CUBN: variants seen among roughly 807,000 people sequenced by gnomAD.
The protein encoded by CUBN is 460 kDa receptor.
CUBN carries 282 observed loss-of-function variants against 405.3 expected under a neutral mutation model. That is an observed-to-expected ratio of 0.70 (90% CI 0.63 to 0.77). The LOEUF (loss-of-function observed/expected upper bound fraction) is 0.77. Ranked by LOEUF, CUBN falls within the 30% of genes least tolerant of loss-of-function variation. The pLI, the probability that CUBN is intolerant of heterozygous loss-of-function variation, is 0.00. For synonymous variants in CUBN, 1,684 were observed against 1,617.0 expected, an observed-to-expected ratio of 1.04 and a Z score of -0.99; for missense variants, 4,514 against 4,475.2, an observed-to-expected ratio of 1.01 and a Z score of -0.25.
At chr10:16,972,443 A>T (rs1588536432) in intron 31 of CUBN, among the ~76,000 whole-genome samples, 2 of 146,310 alleles carry the variant, frequency 1.4e-5, no homozygotes, top group South Asian at 2.2e-4. Flanking sequence ...ATCATTCACA[A>T]TTTTTTTTTT....
At position 16,982,497 on chromosome 10, in the gene CUBN, T is replaced by C; in HGVS notation, c.4682A>G (p.Asp1561Gly). 6.2e-7 allele frequency: 1 copy of C among 1,613,404 alleles called. No individual in the cohort carries two copies. Among genetic ancestry groups the C allele is most frequent in the Non-Finnish European group, 8.5e-7 (1 of 1,179,542 alleles). ...NFTDFDLEPQ[D>G]SCIMAYDGLS... ...TATGTCACTTACCATAATACAAGAGTCTTGTGGTTCAAGATCAAAGTCAGT... is the reference window on the plus strand; with the variant it reads ...TATGTCACTTACCATAATACAAGAGCCTTGTGGTTCAAGATCAAAGTCAGT... Residue 1561 changes from aspartate to glycine, a missense_variant, in exon 31 of 67, where the codon GAC becomes GGC. This residue lies in a region of CUBN where 1,613 missense variants were observed against 1,542.8 expected (regional missense o/e 1.05). Coordinates refer to ENST00000377833, the MANE Select transcript of CUBN (RefSeq NM_001081.4).
At chr10:17,128,019 AC>A (rs1311831486) in intron 2 of CUBN, 95 bp from the exon 3 acceptor site, 5 of 821,598 alleles carry the variant, frequency 6.1e-6, no homozygotes, top group Non-Finnish European at 7.9e-6. Context: ...GTAGTATTCT[AC>A]TTTAAGCACT....
intron 29 of CUBN, among the ~76,000 whole-genome samples, chr10:16,989,631 T>C (rs1392212690): frequency 6.6e-6 from 1 of 151,446 alleles, no homozygotes; most frequent in African/African-American, 2.4e-5. Flanking sequence ...ATTCCTGCAA[T>C]TAAACATTGA....
At chr10:17,125,894 T>A (rs902197877) in intron 4 of CUBN, among the ~76,000 whole-genome samples, 1 of 152,166 alleles carries the variant, frequency 6.6e-6, no homozygotes, top group African/African-American at 2.4e-5. Flanking sequence ...GGGGTCAATG[T>A]ATTATCTAAG....
chr10:17,052,347 A>G (rs1461901435), intron 22 of CUBN, among the ~76,000 whole-genome samples: 1 of 152,206 alleles, frequency 6.6e-6, no homozygotes, highest in Non-Finnish European at 1.5e-5. Flanking sequence ...GGAATGAAGA[A>G]CACTGGAAAT....
intron 10 of CUBN, 123 bp downstream of exon 10, chr10:17,109,517 A>T: frequency 1.3e-6 from 1 of 771,886 alleles, no homozygotes; most frequent in Non-Finnish European, 2.3e-6. Flanking sequence ...GGCATGGATT[A>T]ATTTTAGGTT....
In CUBN at chr10:16,940,159, C is replaced by T. The variant is rs766222891; in HGVS notation, c.5421G>A (p.Leu1807=). 6.2e-7 allele frequency: 1 copy of T among 1,614,090 alleles called. No homozygotes were observed. Among genetic ancestry groups the T allele is most frequent in the South Asian group, 1.1e-5 (1 of 91,082 alleles). ...AGGAGTTTCCACAGTATCGTCCCAC[C>T]AAGTGACCCGTGGCATTTCCTTCAC... is the stretch of plus-strand genomic sequence containing the variant. ...EIREGNATGH[L]VGRYCGNSFP... is the part of the protein sequence containing the mutation. Residue 1807 remains leucine (L), a synonymous_variant, in exon 37 of 67, where the codon TTG becomes TTA. Transcript: ENST00000377833.
chr10:16,918,885 T>C (rs1841961931), intron 44 of CUBN, 85 bp from the exon 45 acceptor site: 1 of 1,204,512 alleles, frequency 8.3e-7, no homozygotes, highest in East Asian at 2.5e-5. Flanking sequence ...TCTTTGAAGA[T>C]ATTATTAAAT....
At chr10:16,868,606 AATTG>A (rs1326322032) in intron 59 of CUBN, among the ~76,000 whole-genome samples, 3 of 152,220 alleles carry the variant, frequency 2.0e-5, no homozygotes, top group Non-Finnish European at 4.4e-5. Context: ...CCAAACAGGT[AATTG>A]ATTAACTACC....
At chr10:16,968,519 G>A (rs1843463921) in intron 31 of CUBN, among the ~76,000 whole-genome samples, 1 of 152,318 alleles carries the variant, frequency 6.6e-6, no homozygotes, top group South Asian at 2.1e-4. Context: ...GCTGCTCCTT[G>A]CTGATTCTCA....
chr10:17,060,975 G>A (rs1280647486), intron 22 of CUBN, among the ~76,000 whole-genome samples: 6 of 152,092 alleles, frequency 3.9e-5, no homozygotes. Flanking sequence ...CTTGAACCTA[G>A]GAGGCAGAGG....
chr10:17,048,388 G>C lies in CUBN; in HGVS notation c.3140-785C>G, dbSNP rs12248318. On this transcript the variant is annotated intron_variant, in intron 22 of 66. Transcript: ENST00000377833. Reference sequence around the variant, plus strand: ...TAACAGTTTTAACGTTACCTATTCAGTCGATTCTGTGTTTATTACCACCCA... The same window carrying C: ...TAACAGTTTTAACGTTACCTATTCACTCGATTCTGTGTTTATTACCACCCA... Among the ~76,000 whole-genome samples the C allele has an allele frequency of 4.5e-3, 682 of 152,280 alleles. 8 individuals carry two copies. The highest frequency in any genetic ancestry group is 0.016 in the African/African-American group (659 of 41,558).
intron 54 of CUBN, 138 bp downstream of exon 54, chr10:16,898,858 T>C (rs2131416589): frequency 7.1e-6 from 5 of 706,964 alleles, no homozygotes; most frequent in East Asian, 2.6e-5. Flanking sequence ...AGTTGAGGTT[T>C]CTCACTTTCT....
At chr10:17,088,120 C>A (rs765571668) in intron 15 of CUBN, 44 bp downstream of exon 15, 1 of 1,502,294 alleles carries the variant, frequency 6.7e-7, no homozygotes, top group East Asian at 2.3e-5. Flanking sequence ...TGCCCTGAGT[C>A]CTAATCATAT....
At position 16,824,810 on chromosome 10, in the gene CUBN, C is replaced by T. The variant is rs533981807; in HGVS notation, c.*165G>A. 72 of 648,276 alleles carry T rather than the reference C, an allele frequency of 1.1e-4. No homozygotes were observed. Among genetic ancestry groups the T allele is most frequent in the South Asian group, 1.0e-3 (66 of 65,300 alleles). 40.2% of individuals were successfully genotyped at this position (648,276 alleles called of 1,614,324 possible). On this transcript the variant is annotated 3_prime_UTR_variant, in exon 67 of 67. Transcript: ENST00000377833. ...GCTGAGAATACAGGGGGGTGAGCCACCACGCCTGGCCTACAAATATTGATT... is the reference window on the plus strand; with the variant it reads ...GCTGAGAATACAGGGGGGTGAGCCATCACGCCTGGCCTACAAATATTGATT...
intron 28 of CUBN, among the ~76,000 whole-genome samples, chr10:16,990,934 A>C (rs796392819): frequency 5.3e-5 from 8 of 152,348 alleles, no homozygotes; most frequent in African/African-American, 1.9e-4. Context: ...CTTGTAGCTA[A>C]TACATTATTC....
chr10:16,979,368 G>C (rs774976781), intron 31 of CUBN, among the ~76,000 whole-genome samples: 56 of 152,036 alleles, frequency 3.7e-4, no homozygotes, highest in Non-Finnish European at 6.6e-4. Flanking sequence ...AACAAAAAAA[G>C]AGCCTGTACA....
chr10:16,889,832 G>T (rs556987463), intron 55 of CUBN, among the ~76,000 whole-genome samples: 5 of 151,678 alleles, frequency 3.3e-5, no homozygotes, highest in African/African-American at 1.2e-4. Flanking sequence ...AACCCAGGAG[G>T]TGGAGGTTGC....
chr10:16,983,013 T>C (rs1278572062), intron 30 of CUBN, among the ~76,000 whole-genome samples: 5 of 152,186 alleles, frequency 3.3e-5, no homozygotes, highest in Non-Finnish European at 1.5e-5. Flanking sequence ...CTTCCAAGAA[T>C]TGTGATAATC....
Sources: gnomAD v4.1 joint callset for allele counts (sites outside exome capture counted in the v4.1 genomes callset) on GRCh38, gnomAD v4.1.1 for gene constraint, gnomAD v4.1.1 regional missense constraint, MANE v1.5 for transcripts, NCBI Gene and HGNC (gene_info 2026-07-23, HGNC 2026-07-21) for gene names.